Variants in RPS6KC1 observed in about 807,000 individuals in gnomAD.
RPS6KC1 encodes inactive ribosomal protein S6 kinase delta-1.
A neutral mutation model predicts 103.8 loss-of-function variants in RPS6KC1; 54 were observed. The observed-to-expected ratio is 0.52, with a 90% CI of 0.42 to 0.65. The LOEUF (loss-of-function observed/expected upper bound fraction) is 0.65. RPS6KC1 is among the 30% of genes least tolerant of loss of function. The probability of loss-of-function intolerance (pLI) is 0.00; values close to 1 mark genes in which losing one functional copy is unlikely to be tolerated. For missense variants in RPS6KC1, 1,151 were observed against 1,253.8 expected (o/e 0.92, Z 1.24); for synonymous variants, 439 against 438.7 (o/e 1.00, Z -0.01).
the RPS6KC1 span, among the ~76,000 whole-genome samples, chr1:213,420,941 C>A: frequency 1.3e-5 from 2 of 152,090 alleles, no homozygotes; most frequent in Non-Finnish European, 2.9e-5. Context: ...CAGCGTTATC[C>A]CTGGGTGATG....
intron 6 of RPS6KC1, among the ~76,000 whole-genome samples, chr1:213,132,515 A>G (rs2085758536): frequency 1.3e-5 from 2 of 152,230 alleles, no homozygotes; most frequent in South Asian, 4.1e-4. Context: ...ATTCTGTACT[A>G]GCATACTAGT....
the RPS6KC1 span, among the ~76,000 whole-genome samples, chr1:213,590,281 C>T: frequency 6.6e-6 from 1 of 152,020 alleles, no homozygotes; most frequent in Non-Finnish European, 1.5e-5. Context: ...AAGTAGGCCA[C>T]ATTTACTCTT....
chr1:213,669,280 T>C, the RPS6KC1 span, among the ~76,000 whole-genome samples: 1 of 152,182 alleles, frequency 6.6e-6, no homozygotes, highest in African/African-American at 2.4e-5. Context: ...CTAGAGGCAA[T>C]TGTGGTGTTA....
At chr1:213,664,226 A>G in the RPS6KC1 span, among the ~76,000 whole-genome samples, 43 of 149,842 alleles carry the variant, frequency 2.9e-4, no homozygotes, top group Non-Finnish European at 4.9e-4. Context: ...GCGCTCTGAG[A>G]ACACAAGGCA....
intron 8 of RPS6KC1, among the ~76,000 whole-genome samples, chr1:213,196,333 G>GT (rs1269665097): frequency 1.3e-5 from 2 of 151,972 alleles, no homozygotes; most frequent in South Asian, 2.1e-4. Flanking sequence ...GGGATTATTT[G>GT]TTTTTTTCTT....
At chr1:213,071,173 A>C (rs947124807) in intron 2 of RPS6KC1, 132 bp downstream of exon 2, 1 of 532,180 alleles carries the variant, frequency 1.9e-6, no homozygotes. Context: ...CCTGTTGCTC[A>C]GGCTGGAGTG....
chr1:213,195,433 A>C (rs1348396067), intron 8 of RPS6KC1, among the ~76,000 whole-genome samples: 2 of 152,054 alleles, frequency 1.3e-5, no homozygotes, highest in Non-Finnish European at 1.5e-5. Context: ...AAAAGTTTTA[A>C]AAATTCGTAA....
At chr1:213,541,021 C>A in the RPS6KC1 span, among the ~76,000 whole-genome samples, 1 of 151,776 alleles carries the variant, frequency 6.6e-6, no homozygotes, top group Non-Finnish European at 1.5e-5. Context: ...AGTTCTCTTG[C>A]AATTTCTACC....
chr1:213,353,096 T>C, the RPS6KC1 span, among the ~76,000 whole-genome samples: 2 of 152,208 alleles, frequency 1.3e-5, no homozygotes, highest in African/African-American at 4.8e-5. Context: ...AATTTACTAA[T>C]GTATTATGTG....
chr1:213,832,654 T>A, the RPS6KC1 span: 1 of 152,288 alleles, frequency 6.6e-6, no homozygotes, highest in African/African-American at 2.4e-5. Flanking sequence ...AAAGGCTAAA[T>A]AAAGATGGCC....
chr1:213,361,193 C>T, the RPS6KC1 span, among the ~76,000 whole-genome samples: 34 of 152,330 alleles, frequency 2.2e-4, no homozygotes, highest in African/African-American at 7.5e-4. Flanking sequence ...CCTTGAGCTG[C>T]GGTGGGCTCC....
chr1:213,251,148 C>T (rs2094539232), intron 12 of RPS6KC1, among the ~76,000 whole-genome samples: 1 of 147,342 alleles, frequency 6.8e-6, no homozygotes, highest in South Asian at 2.2e-4. Context: ...GCTCTGTCAC[C>T]CAGGCTGGAG....
chr1:213,361,775 A>G, the RPS6KC1 span, among the ~76,000 whole-genome samples: 1 of 152,204 alleles, frequency 6.6e-6, no homozygotes, highest in Non-Finnish European at 1.5e-5. Context: ...GATCTTTTCT[A>G]TGATGACAAC....
At chr1:213,372,398 A>C in the RPS6KC1 span, among the ~76,000 whole-genome samples, 1 of 152,194 alleles carries the variant, frequency 6.6e-6, no homozygotes, top group Non-Finnish European at 1.5e-5. Context: ...GGCCTTTGTC[A>C]ACAGGCCCTT....
intron 8 of RPS6KC1, among the ~76,000 whole-genome samples, chr1:213,185,285 G>T (rs114803183): frequency 6.6e-6 from 1 of 152,064 alleles, no homozygotes; most frequent in Non-Finnish European, 1.5e-5. Flanking sequence ...TATAGGTAGG[G>T]TAGGTTTCTT....
At chr1:213,118,999 G>T (rs1213726193) in intron 5 of RPS6KC1, among the ~76,000 whole-genome samples, 1 of 151,990 alleles carries the variant, frequency 6.6e-6, no homozygotes, top group Non-Finnish European at 1.5e-5. Flanking sequence ...ATCCCAATGT[G>T]ATTCTAATAG....
the RPS6KC1 span, among the ~76,000 whole-genome samples, chr1:213,727,210 A>G: frequency 3.3e-5 from 5 of 152,236 alleles, no homozygotes; most frequent in African/African-American, 1.2e-4. Context: ...TTAATAGATC[A>G]TCTAGAAAAT....
At chr1:213,538,415 A>G in the RPS6KC1 span, among the ~76,000 whole-genome samples, 21 of 152,248 alleles carry the variant, frequency 1.4e-4, no homozygotes, top group African/African-American at 5.1e-4. Context: ...GGAAGACAGG[A>G]AAAAAGCCTG....
chr1:213,370,046 A>G, the RPS6KC1 span, among the ~76,000 whole-genome samples: 2 of 152,148 alleles, frequency 1.3e-5, no homozygotes, highest in South Asian at 2.1e-4. Flanking sequence ...AGGACATAGG[A>G]TGGTCTTATC....
Sources: allele counts gnomAD v4.1 joint callset (sites outside exome capture counted in the v4.1 genomes callset), GRCh38; gene constraint gnomAD v4.1.1; transcripts MANE v1.5; gene names NCBI Gene and HGNC (gene_info 2026-07-23, HGNC 2026-07-21).